The following CSRP2 variants were observed in gnomAD, a reference collection of about 807,000 sequenced individuals.
CSRP2 encodes the protein cysteine and glycine rich protein 2.
Under a neutral mutation model 24.6 loss-of-function variants are expected in CSRP2, and 18 were observed. The observed-to-expected ratio is 0.73, with a 90% CI of 0.51 to 1.09. The LOEUF (loss-of-function observed/expected upper bound fraction) is 1.09, where lower values mean the gene tolerates loss of function less well. Ranked by LOEUF, CSRP2 falls within the 50% of genes least tolerant of loss-of-function variation. CSRP2 has a pLI of 0.00. For missense variants in CSRP2, 215 were observed against 239.4 expected (o/e 0.90, Z 0.67); for synonymous variants, 87 against 84.3 (o/e 1.03, Z -0.18).
At position 76,859,579 on chromosome 12, in the gene CSRP2, A is replaced by C; in HGVS notation, c.473T>G (p.Leu158Arg). Residue 158 changes from leucine to arginine, a missense_variant, in exon 5 of 6, where the codon CTG (leucine) becomes CGG (arginine). Leu to Arg is a moderately radical substitution (Grantham distance 102). Transcript: ENST00000311083. The part of the protein sequence containing the change: ...KCGKSLESTT[L>R]TEKEGEIYCK... Reference sequence around the variant, plus strand: ...ATAGATTTCACCTTCTTTTTCAGTCAGAGTTGTTGATTCAAGACTCTTCCC... The same window carrying C: ...ATAGATTTCACCTTCTTTTTCAGTCCGAGTTGTTGATTCAAGACTCTTCCC... 6.2e-7 allele frequency: 1 copy of C among 1,613,516 alleles called. No individual in the cohort carries two copies.
intron 3 of CSRP2, chr12:76,862,947 A>G: frequency 1.3e-6 from 2 of 1,500,488 alleles, no homozygotes; most frequent in South Asian, 1.3e-5. Context: ...ACTCCTTGAT[A>G]CAGCTTGGAA....
chr12:76,863,446 G>T, intron 2 of CSRP2, 102 bp from the exon 3 acceptor site: 2 of 1,197,184 alleles, frequency 1.7e-6, no homozygotes, highest in East Asian at 2.5e-5. Flanking sequence ...GAAGGCTGAG[G>T]CTCCCTCACA....
chr12:76,863,206 C>A lies in CSRP2; in HGVS notation c.251G>T (p.Arg84Leu). The A allele has an allele frequency of 6.2e-7, 1 of 1,613,932 alleles. No individual in the cohort carries two copies. The highest frequency in any genetic ancestry group is 8.5e-7 in the Non-Finnish European group (1 of 1,179,854). Residue 84 changes from arginine (R) to leucine (L), a missense_variant, in exon 3 of 6, where the codon CGT becomes CTT. Coordinates refer to ENST00000311083, the MANE Select transcript of CSRP2 (RefSeq NM_001321.3). ...GQGAGTLNMD[R>L]GERLGIKPES... ...TGGTTTGATGCCCAGCCTCTCGCCA[C>A]GGTCCATGTTAAGCGTGCCAGCGCC...
chr12:76,866,007 C>T, intron 2 of CSRP2, 142 bp downstream of exon 2: 2 of 645,902 alleles, frequency 3.1e-6, no homozygotes, highest in Non-Finnish European at 2.7e-6. Context: ...TTGGCATTTA[C>T]AACATCTAAG....
chr12:76,862,534 CTG>C, intron 3 of CSRP2: 1 of 250,266 alleles, frequency 4.0e-6, no homozygotes, highest in African/African-American at 2.3e-5. Flanking sequence ...GAGTGAGATT[CTG>C]TGACAAAAAA....
At chr12:76,861,561 TGGAAAA>T (rs1476283864) in intron 3 of CSRP2, 4 of 151,582 alleles carry the variant, frequency 2.6e-5, no homozygotes, top group Non-Finnish European at 5.9e-5. Context: ...TGTAACAAGA[TGGAAAA>T]GGAGAGCAGA....
intron 1 of CSRP2, among the ~76,000 whole-genome samples, chr12:76,871,962 A>G (rs1953804911): frequency 6.6e-6 from 1 of 152,132 alleles, no homozygotes; most frequent in East Asian, 1.9e-4. Context: ...ACTCCACTAC[A>G]GCTGCCATTA....
chr12:76,867,985 A>G (rs1953752224), intron 1 of CSRP2, among the ~76,000 whole-genome samples: 1 of 152,182 alleles, frequency 6.6e-6, no homozygotes, highest in Non-Finnish European at 1.5e-5. Flanking sequence ...GGAACTTTCC[A>G]GCACTCAGTA....
chr12:76,866,940 C>T (rs929454369), intron 1 of CSRP2, among the ~76,000 whole-genome samples: 2 of 152,170 alleles, frequency 1.3e-5, no homozygotes, highest in African/African-American at 4.8e-5. Flanking sequence ...GCTTCACTAA[C>T]CCCAAGGCCC....
Position 76,866,201 on chromosome 12 carries a change from T to C in CSRP2, c.60A>G (p.Ala20=). 6.2e-7 allele frequency: 1 copy of C among 1,614,162 alleles called. No individual in the cohort carries two copies. The highest frequency in any genetic ancestry group is 8.5e-7 in the Non-Finnish European group (1 of 1,180,020). The part of the protein sequence containing the change: ...CGACGRTVYH[A]EEVQCDGRSF... Reference sequence around the variant, plus strand: ...TCCTGCCATCACACTGCACCTCTTCTGCGTGGTACACGGTCCTCCCACAGG... The same window carrying C: ...TCCTGCCATCACACTGCACCTCTTCCGCGTGGTACACGGTCCTCCCACAGG... The change falls in exon 2 of 6, where the codon GCA becomes GCG. Residue 20 remains alanine, a synonymous_variant. Transcript: ENST00000311083.
At chr12:76,876,689 G>A (rs1475972879) in intron 1 of CSRP2, among the ~76,000 whole-genome samples, 2 of 152,196 alleles carry the variant, frequency 1.3e-5, no homozygotes, top group African/African-American at 2.4e-5. Context: ...CTGGCAGTCA[G>A]GGTAAGGTGC....
chr12:76,868,478 A>T (rs1207235039), intron 1 of CSRP2, among the ~76,000 whole-genome samples: 1 of 152,200 alleles, frequency 6.6e-6, no homozygotes, highest in Non-Finnish European at 1.5e-5. Context: ...GCCTGCTGCC[A>T]TGTGAGATGT....
At chr12:76,871,619 C>T (rs4421792) in intron 1 of CSRP2, among the ~76,000 whole-genome samples, 91,431 of 151,898 alleles carry the variant, frequency 0.6, 29,305 homozygotes, top group Non-Finnish European at 0.7. Flanking sequence ...AAATACTTAG[C>T]CGGGCGCGGT....
At chr12:76,864,186 A>G (rs1001691318) in intron 2 of CSRP2, 2 of 152,204 alleles carry the variant, frequency 1.3e-5, no homozygotes, top group South Asian at 2.1e-4. Context: ...TAAAACTTCA[A>G]TTAAGCTTGA....
chr12:76,877,899 A>G (rs1459597477), intron 1 of CSRP2, among the ~76,000 whole-genome samples: 1 of 152,190 alleles, frequency 6.6e-6, no homozygotes. Context: ...TAATTGGAAA[A>G]GTCAAGAACT....
intron 1 of CSRP2, among the ~76,000 whole-genome samples, chr12:76,873,160 C>A (rs1444479090): frequency 6.6e-6 from 1 of 152,194 alleles, no homozygotes; most frequent in Non-Finnish European, 1.5e-5. Flanking sequence ...CATTTTATTA[C>A]TACATGTAGG....
At chr12:76,870,281 T>C (rs1232019480) in intron 1 of CSRP2, among the ~76,000 whole-genome samples, 2 of 152,158 alleles carry the variant, frequency 1.3e-5, no homozygotes, top group Non-Finnish European at 2.9e-5. Context: ...TAAAAATACA[T>C]TAAAAGGAAA....
intron 1 of CSRP2, among the ~76,000 whole-genome samples, chr12:76,870,020 C>T (rs543657680): frequency 6.6e-6 from 1 of 152,306 alleles, no homozygotes; most frequent in South Asian, 2.1e-4. Context: ...AACCAAAGGC[C>T]AAATCCAGGC....
chr12:76,866,034 AT>A, intron 2 of CSRP2, 114 bp downstream of exon 2: 1 of 750,952 alleles, frequency 1.3e-6, no homozygotes, highest in Non-Finnish European at 2.2e-6. Context: ...GGTAAAAACC[AT>A]TCGTGCTTTC....
Sources: allele counts gnomAD v4.1 joint callset (sites outside exome capture counted in the v4.1 genomes callset), GRCh38; gene constraint gnomAD v4.1.1; transcripts MANE v1.5; gene names NCBI Gene and HGNC (gene_info 2026-07-23, HGNC 2026-07-21).